TCAF1: variants seen among roughly 807,000 people sequenced by gnomAD.
The protein encoded by TCAF1 is TRPM8 channel associated factor 1, also known as TRPM8 channel-associated factor 1.
In TCAF1, 4 loss-of-function variants were observed where a neutral mutation model predicts 27.3. That is an observed-to-expected ratio of 0.15 (90% CI 0.07 to 0.34). The LOEUF (loss-of-function observed/expected upper bound fraction) is 0.34. TCAF1 is among the 10% of genes least tolerant of loss of function. The pLI, the probability that TCAF1 is intolerant of heterozygous loss-of-function variation, is 1.00. For missense variants in TCAF1, 257 were observed against 425.8 expected, an observed-to-expected ratio of 0.60 and a Z score of 3.49; for synonymous variants, 105 against 167.1, an observed-to-expected ratio of 0.63 and a Z score of 2.87.
chr7:143,875,863 T>G (rs777354522), intron 2 of TCAF1, 126 bp downstream of exon 2: 1 of 782,872 alleles, frequency 1.3e-6, no homozygotes, highest in Non-Finnish European at 2.0e-6. Flanking sequence ...ATCTAGTTGA[T>G]ATGTAGTGAT....
chr7:143,886,732 G>A (rs1813424522), intron 1 of TCAF1, among the ~76,000 whole-genome samples: 1 of 142,040 alleles, frequency 7.0e-6, no homozygotes, highest in Non-Finnish European at 1.5e-5. Context: ...TTGAGACAGG[G>A]TCTTGTGCTG....
At chr7:143,896,326 T>C (rs754703771) in intron 1 of TCAF1, among the ~76,000 whole-genome samples, 4 of 151,942 alleles carry the variant, frequency 2.6e-5, no homozygotes, top group South Asian at 2.1e-4. Context: ...ACTGATAACA[T>C]AGCCTCAAGA....
At chr7:143,897,194 C>G (rs77854104) in intron 1 of TCAF1, among the ~76,000 whole-genome samples, 1,307 of 116,590 alleles carry the variant, frequency 0.011, 32 homozygotes, top group African/African-American at 0.036. Flanking sequence ...ATAAACACTT[C>G]ATCCTTGAAT....
At chr7:143,888,571 A>C (rs192228105) in intron 1 of TCAF1, among the ~76,000 whole-genome samples, 45 of 152,328 alleles carry the variant, frequency 3.0e-4, no homozygotes, top group South Asian at 4.1e-4. Context: ...ATAATCACAA[A>C]CCAGTTTTCC....
intron 2 of TCAF1, among the ~76,000 whole-genome samples, chr7:143,875,422 T>C (rs1457195931): frequency 2.6e-5 from 4 of 152,208 alleles, no homozygotes; most frequent in African/African-American, 4.8e-5. Context: ...CAGGCTCTCC[T>C]GCACCCATCA....
rs557312665 is a variant in TCAF1, at chr7:143,892,790, T to C, written c.-15+9171A>G. Among the ~76,000 whole-genome samples the C allele has an allele frequency of 3.9e-5, 6 of 152,300 alleles. No homozygotes were observed. In the East Asian group the frequency reaches 1.2e-3, roughly 29 times the overall value. The stretch of plus-strand genomic sequence containing the variant: ...AAACACTCATAATGGGATTAGTATC[T>C]TTATAAGACGAGAACGAGACTAGAG... On this transcript the variant is annotated intron_variant, in intron 1 of 8. Coordinates refer to ENST00000479870, the MANE Select transcript of TCAF1 (RefSeq NM_014719.3).
chr7:143,876,999 T>C (rs1467361887), intron 1 of TCAF1, among the ~76,000 whole-genome samples: 1 of 152,188 alleles, frequency 6.6e-6, no homozygotes, highest in Non-Finnish European at 1.5e-5. Context: ...GTGATTCAAA[T>C]GGGTCATAGT....
intron 1 of TCAF1, among the ~76,000 whole-genome samples, chr7:143,887,919 G>A (rs1813486638): frequency 6.6e-6 from 1 of 152,080 alleles, no homozygotes; most frequent in African/African-American, 2.4e-5. Flanking sequence ...TTAAGACTTA[G>A]AATAATATTT....
chr7:143,901,722 C>G (rs994819787), intron 1 of TCAF1, among the ~76,000 whole-genome samples: 2 of 152,196 alleles, frequency 1.3e-5, no homozygotes, highest in Non-Finnish European at 2.9e-5. Context: ...AAAACAAATC[C>G]TACGAAAATA....
At chr7:143,899,217 T>A (rs1814013568) in intron 1 of TCAF1, among the ~76,000 whole-genome samples, 1 of 152,238 alleles carries the variant, frequency 6.6e-6, no homozygotes, top group Admixed American at 6.5e-5. Context: ...TTTATTTAAA[T>A]ATTTATATGG....
intron 1 of TCAF1, chr7:143,886,649 A>AGTAAGTTT (rs1484292453): frequency 2.8e-6 from 1 of 360,254 alleles, no homozygotes; most frequent in Non-Finnish European, 3.9e-6. Context: ...CTGTGCTGTA[A>AGTAAGTTT]GTAAGTTTTC....
rs183569430 is a variant in TCAF1 at position 143,888,796 on chromosome 7, A to T, written c.-14-12174T>A. Among the ~76,000 whole-genome samples, 33 of 152,196 alleles carry T rather than the reference A, an allele frequency of 2.2e-4. 1 individual carries two copies. The highest frequency in any genetic ancestry group is 2.2e-3 in the Admixed American group (33 of 15,282). The stretch of plus-strand genomic sequence containing the variant: ...TCACATTAATAATTTTTAAAACCAC[A>T]TAACACTCAGGAAATAAAGCACAAT... On this transcript the variant is annotated intron_variant, in intron 1 of 8. Coordinates refer to ENST00000479870, the MANE Select transcript of TCAF1 (RefSeq NM_014719.3).
At chr7:143,895,311 A>G (rs1448437738) in intron 1 of TCAF1, among the ~76,000 whole-genome samples, 1 of 151,890 alleles carries the variant, frequency 6.6e-6, no homozygotes, top group East Asian at 1.9e-4. Context: ...AATTTGTGAT[A>G]TACTTATACA....
At chr7:143,892,203 C>T (rs1204530534) in intron 1 of TCAF1, among the ~76,000 whole-genome samples, 2 of 151,996 alleles carry the variant, frequency 1.3e-5, no homozygotes, top group East Asian at 3.9e-4. Context: ...TGAATATTGA[C>T]TGTTTAAATA....
At chr7:143,893,694 G>A (rs1813750965) in intron 1 of TCAF1, among the ~76,000 whole-genome samples, 1 of 151,720 alleles carries the variant, frequency 6.6e-6, no homozygotes, top group Non-Finnish European at 1.5e-5. Flanking sequence ...ATGGAAATTA[G>A]AAAATATCTT....
At chr7:143,892,399 A>C (rs752340546) in intron 1 of TCAF1, among the ~76,000 whole-genome samples, 1 of 152,108 alleles carries the variant, frequency 6.6e-6, no homozygotes, top group Non-Finnish European at 1.5e-5. Flanking sequence ...AATTTAAAAA[A>C]TTATAATTCA....
chr7:143,901,694 T>C (rs1814119318), intron 1 of TCAF1, among the ~76,000 whole-genome samples: 1 of 152,208 alleles, frequency 6.6e-6, no homozygotes, highest in Non-Finnish European at 1.5e-5. Flanking sequence ...CAGATCTTAA[T>C]GGCTCCTTGC....
chr7:143,886,367 C>G (rs1436207557), intron 1 of TCAF1: 1 of 271,354 alleles, frequency 3.7e-6, no homozygotes, highest in Non-Finnish European at 5.6e-6. Context: ...GTGGACCTTC[C>G]AGGGGAAGGT....
intron 6 of TCAF1, among the ~76,000 whole-genome samples, chr7:143,859,878 T>TAC (rs1563210756): frequency 4.9e-4 from 16 of 32,726 alleles, no homozygotes; most frequent in African/African-American, 1.3e-3. Context: ...TATACATATA[T>TAC]ACATATATAT....
Sources: gnomAD v4.1 joint callset for allele counts (sites outside exome capture counted in the v4.1 genomes callset) on GRCh38, gnomAD v4.1.1 for gene constraint, MANE v1.5 for transcripts, NCBI Gene and HGNC (gene_info 2026-07-23, HGNC 2026-07-21) for gene names.